The following EIF4E3 variants were observed in gnomAD, a reference collection of about 807,000 sequenced individuals.
EIF4E3 encodes the protein eukaryotic translation initiation factor 4E type 3.
A neutral mutation model predicts 31.7 loss-of-function variants in EIF4E3; 26 were observed. That is an observed-to-expected ratio of 0.82 (90% CI 0.60 to 1.14). The LOEUF is 1.14. Ranked by LOEUF, EIF4E3 falls within the 50% of genes most tolerant of loss-of-function variation. The pLI, the probability that EIF4E3 is intolerant of heterozygous loss-of-function variation, is 0.00. For missense variants in EIF4E3, 304 were observed against 270.9 expected (o/e 1.12, Z -0.86); for synonymous variants, 128 against 107.7 (o/e 1.19, Z -1.17).
chr3:71,710,591 A>G (rs1034927037), intron 1 of EIF4E3, 107 bp from the exon 2 acceptor site: 1 of 1,086,286 alleles, frequency 9.2e-7, no homozygotes, highest in Non-Finnish European at 1.4e-6. Context: ...CAGGTCTCAA[A>G]CCACAGGACT....
At chr3:71,674,576 A>G (rs1304402605), downstream of EIF4E3, among the ~76,000 whole-genome samples, 1 of 152,186 alleles carries the variant, frequency 6.6e-6, no homozygotes, top group Non-Finnish European at 1.5e-5. Flanking sequence ...TAAGGTAGAA[A>G]GATCATAAAC....
intron 1 of EIF4E3, among the ~76,000 whole-genome samples, chr3:71,721,164 T>A (rs1034107980): frequency 2.6e-5 from 4 of 152,118 alleles, no homozygotes; most frequent in African/African-American, 9.7e-5. Context: ...GACTTGCAAA[T>A]GATTAGCAGA....
chr3:71,732,132 C>A lies in EIF4E3; in HGVS notation c.-290-3509G>T, dbSNP rs374347105. Among the ~76,000 whole-genome samples the A allele has an allele frequency of 2.0e-5, 3 of 152,262 alleles. No individual in the cohort carries two copies. In the South Asian group the frequency reaches 6.2e-4, roughly 32 times the overall value. On this transcript the variant is annotated intron_variant, in intron 1 of 7. Transcript: ENST00000295612. ...CACGGTGTCTGGCACATGGGAGACC[C>A]AGCTTTACTGAATCAATGATGGGCT...
At chr3:71,748,012 C>T (rs2108161949) in intron 1 of EIF4E3, among the ~76,000 whole-genome samples, 1 of 152,300 alleles carries the variant, frequency 6.6e-6, no homozygotes, top group Admixed American at 6.5e-5. Flanking sequence ...CTCTATTTTT[C>T]CCTTTCCTTC....
the EIF4E3 span, among the ~76,000 whole-genome samples, chr3:71,669,360 C>G: frequency 6.6e-6 from 1 of 151,988 alleles, no homozygotes; most frequent in Non-Finnish European, 1.5e-5. Flanking sequence ...ATGTAACAAA[C>G]CTGCATGTTC....
intron 2 of EIF4E3, among the ~76,000 whole-genome samples, chr3:71,705,317 A>C (rs2049276672): frequency 6.6e-6 from 1 of 152,152 alleles, no homozygotes; most frequent in African/African-American, 2.4e-5. Flanking sequence ...CCCTAACTTA[A>C]CTGCACAACT....
downstream of EIF4E3, among the ~76,000 whole-genome samples, chr3:71,671,631 C>G (rs143816175): frequency 8.7e-4 from 133 of 152,250 alleles, no homozygotes; most frequent in African/African-American, 3.1e-3. Flanking sequence ...ACTTAACCAT[C>G]CCTCGCCTCA....
chr3:71,692,564 T>C (rs1402985477), intron 5 of EIF4E3, among the ~76,000 whole-genome samples: 1 of 151,960 alleles, frequency 6.6e-6, no homozygotes, highest in African/African-American at 2.4e-5. Flanking sequence ...AAGGAATCTG[T>C]ACTTATAGAC....
At chr3:71,719,262 G>C (rs953795777) in intron 1 of EIF4E3, among the ~76,000 whole-genome samples, 6 of 152,182 alleles carry the variant, frequency 3.9e-5, no homozygotes, top group Non-Finnish European at 8.8e-5. Context: ...ATGGTGACTG[G>C]TAAATAATAT....
intron 1 of EIF4E3, among the ~76,000 whole-genome samples, chr3:71,740,262 T>C (rs1424129136): frequency 6.6e-6 from 1 of 152,224 alleles, no homozygotes; most frequent in Non-Finnish European, 1.5e-5. Flanking sequence ...GCATTAAATG[T>C]ACAGTTTAAA....
chr3:71,747,809 T>G (rs1359118829), intron 1 of EIF4E3, among the ~76,000 whole-genome samples: 1 of 152,084 alleles, frequency 6.6e-6, no homozygotes, highest in Non-Finnish European at 1.5e-5. Flanking sequence ...TGGGGTGGGG[T>G]TGGGGCGCAA....
At chr3:71,673,063 G>A (rs2048855137), downstream of EIF4E3, among the ~76,000 whole-genome samples, 1 of 152,174 alleles carries the variant, frequency 6.6e-6, no homozygotes. Flanking sequence ...CTCCAGCTGG[G>A]TCATGGGACA....
chr3:71,730,815 G>A (rs1452163678), intron 1 of EIF4E3, among the ~76,000 whole-genome samples: 3 of 151,488 alleles, frequency 2.0e-5, no homozygotes, highest in Admixed American at 1.3e-4. Flanking sequence ...ATGCAGCCTC[G>A]GCCTCCCAGG....
the EIF4E3 span, among the ~76,000 whole-genome samples, chr3:71,667,339 CACAAG>C: frequency 6.6e-6 from 1 of 152,168 alleles, no homozygotes; most frequent in African/African-American, 2.4e-5. Flanking sequence ...TGAAAACTGG[CACAAG>C]ACAAGGATGC....
At chr3:71,714,782 C>A (rs1412650033) in intron 1 of EIF4E3, among the ~76,000 whole-genome samples, 2 of 152,332 alleles carry the variant, frequency 1.3e-5, no homozygotes, top group East Asian at 3.9e-4. Context: ...TCTACGGTTA[C>A]TGTTTCTTAA....
intron 1 of EIF4E3, among the ~76,000 whole-genome samples, chr3:71,751,240 T>A (rs1222169966): frequency 6.6e-6 from 1 of 151,974 alleles, no homozygotes; most frequent in African/African-American, 2.4e-5. Context: ...TCAAAATAAA[T>A]AAAGTCAGAC....
Position 71,725,148 on chromosome 3 carries a change from G to A in EIF4E3, c.176+44C>T, listed in dbSNP as rs1463481994. 1.9e-6 allele frequency: 2 copies of A among 1,042,050 alleles called. No homozygotes were observed. The highest frequency in any genetic ancestry group is 1.2e-6 in the Non-Finnish European group (1 of 869,034). 64.6% of individuals were successfully genotyped at this position (1,042,050 alleles called of 1,614,324 possible). ...CGAGACAAAGCGGCGGTGGCGGCAGGACCCGGGTCGGGGCCGTGCGCGGCG... is the reference window on the plus strand; with the variant it reads ...CGAGACAAAGCGGCGGTGGCGGCAGAACCCGGGTCGGGGCCGTGCGCGGCG... On this transcript the variant is annotated intron_variant, in intron 1 of 6. Coordinates refer to ENST00000425534, the MANE Select transcript of EIF4E3 (RefSeq NM_001134651.2). This position sits in a 1 kb window ranked among gnomAD's most constrained non-coding sequence, Gnocchi z 6.1.
chr3:71,698,199 G>A (rs1424904960), intron 3 of EIF4E3, among the ~76,000 whole-genome samples: 1 of 152,218 alleles, frequency 6.6e-6, no homozygotes, highest in Non-Finnish European at 1.5e-5. Context: ...GAAGGAGCTA[G>A]CGATTGAGAG....
At chr3:71,707,492 C>T (rs759089782) in intron 2 of EIF4E3, among the ~76,000 whole-genome samples, 3 of 152,080 alleles carry the variant, frequency 2.0e-5, no homozygotes, top group Non-Finnish European at 4.4e-5. Context: ...TCTACCTTAG[C>T]GAGTAGGCAC....
Sources: allele counts gnomAD v4.1 joint callset (sites outside exome capture counted in the v4.1 genomes callset), GRCh38; gene constraint gnomAD v4.1.1; non-coding constraint Gnocchi (gnomAD v3.1); transcripts MANE v1.5; gene names NCBI Gene and HGNC (gene_info 2026-07-23, HGNC 2026-07-21).